Variants in TSPAN13 observed in about 807,000 individuals in gnomAD.
The protein encoded by TSPAN13 is tetraspanin 13.
TSPAN13 carries 18 observed loss-of-function variants against 26.9 expected under a neutral mutation model. The observed-to-expected ratio is 0.67, with a 90% CI of 0.46 to 0.99. The LOEUF is 0.99. TSPAN13 is among the 50% of genes least tolerant of loss of function. The pLI is 0.00. For missense variants in TSPAN13, 201 were observed against 249.6 expected (o/e 0.81, Z 1.31); for synonymous variants, 116 against 98.4 (o/e 1.18, Z -1.06).
rs1198624561 is a variant in TSPAN13, at chr7:16,783,650, G to GT, written c.*166dup. The GT allele has an allele frequency of 7.2e-6, 5 of 692,092 alleles. No homozygotes were observed. In the Middle Eastern group the frequency reaches 1.6e-3, roughly 217 times the overall value. 42.9% of individuals were successfully genotyped at this position (692,092 alleles called of 1,614,324 possible). A position where few individuals can be genotyped will look rare whatever the true frequency, so the allele number is the denominator to read the frequency against. The stretch of plus-strand genomic sequence containing the variant: ...ATTTTTACTCTATGTTTCTCTACAT[G>GT]TTTTTTTCTTTCCGTTGCTGAAAAA... On this transcript the variant is annotated 3_prime_UTR_variant, in exon 6 of 6. Coordinates refer to ENST00000262067, the MANE Select transcript of TSPAN13 (RefSeq NM_014399.4).
chr7:16,753,879 A>C lies in TSPAN13; in HGVS notation c.-89A>C, dbSNP rs6975847. 7.2e-7 allele frequency: 1 copy of C among 1,384,088 alleles called. No homozygotes were observed. The highest frequency in any genetic ancestry group is 1.0e-6 in the Non-Finnish European group (1 of 994,170). The allele number at this position is 1,384,088 out of a possible 1,614,324, so 85.7% of individuals were successfully genotyped here. On this transcript the variant is annotated 5_prime_UTR_variant, in exon 1 of 6. Coordinates refer to ENST00000262067, the MANE Select transcript of TSPAN13 (RefSeq NM_014399.4). ...TCTGCGTTGCTGCCCCGCCTGGGCC[A>C]GGCCCCAAAGGCAAGGACAAAGCAG...
At chr7:16,783,381 C>A (rs765424634) in intron 5 of TSPAN13, 36 bp from the exon 6 acceptor site, 1 of 1,584,500 alleles carries the variant, frequency 6.3e-7, no homozygotes, top group South Asian at 1.1e-5. Flanking sequence ...ATGTTACTTT[C>A]TTTTTCTTTA....
rs1216680290 is a variant in TSPAN13 at position 16,753,781 on chromosome 7, T to C, written c.-187T>C. Reference sequence around the variant, plus strand: ...CGGCTCAGCTGCGGCGGCCGCAGGTTCCAAAGCGGGTCCGAGCCGCCGCCG... The same window carrying C: ...CGGCTCAGCTGCGGCGGCCGCAGGTCCCAAAGCGGGTCCGAGCCGCCGCCG... On this transcript the variant is annotated 5_prime_UTR_variant, in exon 1 of 6. Transcript: ENST00000262067. 1 of 493,066 alleles carries C rather than the reference T, an allele frequency of 2.0e-6. No homozygotes were observed. The highest frequency in any genetic ancestry group is 3.0e-5 in the South Asian group (1 of 33,756). The allele number at this position is 493,066 out of a possible 1,614,324, so 30.5% of individuals were successfully genotyped here.
At chr7:16,779,205 C>A in intron 5 of TSPAN13, 89 bp downstream of exon 5, 1 of 932,526 alleles carries the variant, frequency 1.1e-6, no homozygotes, top group Non-Finnish European at 1.6e-6. Context: ...TATCAGTGAG[C>A]ATTTTCATTG....
chr7:16,783,250 C>G (rs10499475), intron 5 of TSPAN13, among the ~76,000 whole-genome samples, 167 bp from the exon 6 acceptor site: 31,622 of 151,964 alleles, frequency 0.21, 3,536 homozygotes, highest in East Asian at 0.41. Flanking sequence ...TTTCTCAGCG[C>G]CCGTCATTTG....
At chr7:16,776,931 G>T (rs1463612291) in intron 2 of TSPAN13, 111 bp from the exon 3 acceptor site, 10 of 615,534 alleles carry the variant, frequency 1.6e-5, no homozygotes, top group South Asian at 1.0e-4. Flanking sequence ...CATCTGTTCT[G>T]TATTCTGGGT....
intron 5 of TSPAN13, among the ~76,000 whole-genome samples, chr7:16,780,168 C>T (rs1371322763): frequency 2.6e-5 from 4 of 151,412 alleles, no homozygotes; most frequent in South Asian, 2.1e-4. Flanking sequence ...GGTGCAATCT[C>T]GGCTTACTGC....
Position 16,766,527 on chromosome 7 carries a change from C to T in TSPAN13, c.64-9684C>T, listed in dbSNP as rs577647503. Among the ~76,000 whole-genome samples the T allele has an allele frequency of 3.9e-5, 6 of 152,260 alleles. No homozygotes were observed. The East Asian group carries it at 9.7e-4, about 25-fold the overall frequency. ...CTAGAGCATTGCCTTTTGTTACAAA[C>T]GTGTGGAGAATCAGCAACTTACTGC... On this transcript the variant is annotated intron_variant, in intron 1 of 5. Transcript: ENST00000262067.
intron 1 of TSPAN13, among the ~76,000 whole-genome samples, chr7:16,760,897 C>T (rs986041146): frequency 2.9e-4 from 44 of 152,272 alleles, no homozygotes; most frequent in African/African-American, 8.4e-4. Flanking sequence ...AAGGCAATGT[C>T]GCAGTCATTC....
intron 1 of TSPAN13, among the ~76,000 whole-genome samples, chr7:16,765,355 C>T (rs561380141): frequency 7.9e-5 from 12 of 152,286 alleles, no homozygotes; most frequent in South Asian, 2.1e-4. Context: ...CCTCCTTCCT[C>T]GGCATCCCAA....
rs770414921 is a variant in TSPAN13, at chr7:16,778,962, T to C, written c.427-41T>C. ...GCAGTTTTTATGGGCTTTTTATAAA[T>C]GTATTTTGAAATAAAGGTTTTTTTA... On this transcript the variant is annotated intron_variant, in intron 4 of 5. Transcript: ENST00000262067. 7 of 1,443,232 alleles carry C rather than the reference T, an allele frequency of 4.9e-6. No homozygotes were observed. In the African/African-American group the frequency reaches 8.6e-5, roughly 18 times the overall value. 89.4% of individuals were successfully genotyped at this position (1,443,232 alleles called of 1,614,324 possible).
rs145489433 is a variant in TSPAN13, at chr7:16,776,306, C to T, written c.159C>T (p.Gly53=). 6.2e-7 allele frequency: 1 copy of T among 1,614,120 alleles called. No homozygotes were observed. Among genetic ancestry groups the T allele is most frequent in the Non-Finnish European group, 8.5e-7 (1 of 1,180,026 alleles). Residue 53 remains glycine (G), a synonymous_variant, in exon 2 of 6, where the codon GGC becomes GGT. Coordinates refer to ENST00000262067, the MANE Select transcript of TSPAN13 (RefSeq NM_014399.4). ...TGGTCGGCGTGGTCATTGCAGTGGGCATCTTCTTGTTCCTGATTGCTTTAG... is the reference window on the plus strand; with the variant it reads ...TGGTCGGCGTGGTCATTGCAGTGGGTATCTTCTTGTTCCTGATTGCTTTAG... ...LRVVGVVIAV[G]IFLFLIALVG... is the part of the protein sequence containing the mutation.
intron 4 of TSPAN13, 54 bp downstream of exon 4, chr7:16,777,965 A>G: frequency 7.7e-7 from 1 of 1,290,704 alleles, no homozygotes. Context: ...ATAAATAATG[A>G]TTAATGTGGA....
intron 1 of TSPAN13, among the ~76,000 whole-genome samples, chr7:16,773,230 C>T (rs964496591): frequency 9.3e-5 from 14 of 150,992 alleles, no homozygotes; most frequent in African/African-American, 2.9e-4. Context: ...TCTTCTATAC[C>T]GACTTCTAGA....
intron 1 of TSPAN13, among the ~76,000 whole-genome samples, chr7:16,764,172 C>T (rs1375546917): frequency 6.8e-6 from 1 of 147,580 alleles, no homozygotes; most frequent in African/African-American, 2.6e-5. Context: ...CACATGCCAC[C>T]ATGCCCAGCT....
intron 1 of TSPAN13, 111 bp downstream of exon 1, chr7:16,754,141 C>G (rs1249890014): frequency 5.8e-6 from 6 of 1,035,774 alleles, no homozygotes; most frequent in Non-Finnish European, 7.9e-6. Flanking sequence ...GCGCCCCCTT[C>G]CCGGCTTCCC....
intron 1 of TSPAN13, among the ~76,000 whole-genome samples, chr7:16,763,404 G>A (rs1784568057): frequency 6.6e-6 from 1 of 152,208 alleles, no homozygotes; most frequent in Non-Finnish European, 1.5e-5. Flanking sequence ...TGTTCTTGAA[G>A]CAATGTGTTG....
intron 1 of TSPAN13, among the ~76,000 whole-genome samples, chr7:16,773,476 G>T (rs1433332853): frequency 1.3e-5 from 2 of 152,152 alleles, no homozygotes; most frequent in Admixed American, 6.5e-5. Flanking sequence ...CTGCTTTTGT[G>T]TACAGGGGCA....
intron 1 of TSPAN13, among the ~76,000 whole-genome samples, chr7:16,771,548 G>A (rs1784679926): frequency 1.3e-5 from 2 of 152,172 alleles, no homozygotes; most frequent in South Asian, 4.1e-4. Flanking sequence ...AAAATGATGT[G>A]CATATTTGAG....
Sources: gnomAD v4.1 joint callset for allele counts (sites outside exome capture counted in the v4.1 genomes callset) on GRCh38, gnomAD v4.1.1 for gene constraint, MANE v1.5 for transcripts, NCBI Gene and HGNC (gene_info 2026-07-23, HGNC 2026-07-21) for gene names.